Variants in SLC17A5 observed in about 807,000 individuals in gnomAD.
SLC17A5 encodes the protein sialin.
A neutral mutation model predicts 59.4 loss-of-function variants in SLC17A5; 47 were observed. The ratio of observed to expected loss-of-function variants is 0.79; its 90% confidence interval spans 0.63 to 1.01. The LOEUF (loss-of-function observed/expected upper bound fraction) is 1.01. SLC17A5 is among the 50% of genes least tolerant of loss of function. The pLI, the probability that SLC17A5 is intolerant of heterozygous loss-of-function variation, is 0.00. For missense variants in SLC17A5, 522 were observed against 595.5 expected (o/e 0.88, Z 1.28); for synonymous variants, 202 against 210.7 (o/e 0.96, Z 0.36).
intron 7 of SLC17A5, among the ~76,000 whole-genome samples, chr6:73,615,880 C>CTTTTTTTTTT (rs71674685): frequency 5.1e-5 from 5 of 97,598 alleles, no homozygotes; most frequent in East Asian, 3.2e-4. Flanking sequence ...ATGAATCATT[C>CTTTTTTTTTT]TTTTTTTTTT....
At chr6:73,604,209 A>G (rs1767293810) in intron 9 of SLC17A5, among the ~76,000 whole-genome samples, 1 of 151,814 alleles carries the variant, frequency 6.6e-6, no homozygotes, top group South Asian at 2.1e-4. Context: ...CAGCCTTTCC[A>G]GTGACAGATA....
In SLC17A5 at chr6:73,650,128, A is replaced by C. The variant is rs1162317273; in HGVS notation, c.94+3665T>G. On this transcript the variant is annotated intron_variant, in intron 1 of 10. Transcript: ENST00000355773. ...GTAATCCTAGCACTTTGGGAGGCTG[A>C]CGCAGGAGGATCACTTGAGCCCAGG... is the stretch of plus-strand genomic sequence containing the variant. Among the ~76,000 whole-genome samples, 3 of 151,316 alleles carry C rather than the reference A, an allele frequency of 2.0e-5. No individual in the cohort carries two copies. In the East Asian group the frequency reaches 5.8e-4, roughly 29 times the overall value.
intron 10 of SLC17A5, among the ~76,000 whole-genome samples, chr6:73,596,692 T>G (rs1383159684): frequency 3.3e-5 from 5 of 151,424 alleles, no homozygotes; most frequent in African/African-American, 1.2e-4. Flanking sequence ...CCGTCTTTAC[T>G]AAAAAAATAA....
chr6:73,627,362 A>G (rs1430239333), intron 6 of SLC17A5, among the ~76,000 whole-genome samples: 1 of 152,180 alleles, frequency 6.6e-6, no homozygotes, highest in African/African-American at 2.4e-5. Flanking sequence ...GGTGTGAGCG[A>G]CCGTGCCTGG....
intron 6 of SLC17A5, among the ~76,000 whole-genome samples, chr6:73,634,460 C>T (rs1581981570): frequency 6.6e-6 from 1 of 152,326 alleles, no homozygotes; most frequent in African/African-American, 2.4e-5. Context: ...AGTGCAGTGG[C>T]ACGATCTCAG....
intron 7 of SLC17A5, among the ~76,000 whole-genome samples, chr6:73,620,967 C>T (rs1338740189): frequency 6.6e-6 from 1 of 151,608 alleles, no homozygotes; most frequent in African/African-American, 2.4e-5. Context: ...CTCAAGCAGT[C>T]CTTCTGCCTC....
chr6:73,631,287 A>C (rs75023644), intron 6 of SLC17A5, among the ~76,000 whole-genome samples: 1 of 151,572 alleles, frequency 6.6e-6, no homozygotes, highest in African/African-American at 2.4e-5. Context: ...AAGAAAAAAA[A>C]CCACTCCACA....
intron 6 of SLC17A5, among the ~76,000 whole-genome samples, chr6:73,628,369 A>G (rs1179432235): frequency 6.6e-6 from 1 of 152,184 alleles, no homozygotes; most frequent in African/African-American, 2.4e-5. Context: ...CAGGAGTTCG[A>G]GACCAACTTG....
chr6:73,634,360 A>C (rs1007787632), intron 6 of SLC17A5, among the ~76,000 whole-genome samples: 2 of 152,150 alleles, frequency 1.3e-5, no homozygotes, highest in African/African-American at 4.8e-5. Flanking sequence ...TCTGGATTTT[A>C]GAATATTTGT....
rs766875158 is a variant in SLC17A5, at chr6:73,641,888, A to G, written c.328T>C (p.Trp110Arg). Residue 110 changes from tryptophan to arginine, a missense_variant, in exon 3 of 11, where the codon TGG becomes CGG. Coordinates refer to ENST00000355773, the MANE Select transcript of SLC17A5 (RefSeq NM_012434.5). ...CCATAAAAAAAGGAACCGAGAATCC[A>G]TCCTTGAGTTTCTGCATCCCATTGG... is the stretch of plus-strand genomic sequence containing the variant. The part of the protein sequence containing the change: ...KYQWDAETQG[W>R]ILGSFFYGYI... 2 of 1,614,232 alleles carry G rather than the reference A, an allele frequency of 1.2e-6. No individual in the cohort carries two copies. The highest frequency in any genetic ancestry group is 1.7e-6 in the Non-Finnish European group (2 of 1,180,028).
chr6:73,652,711 TAC>T (rs1306431423), intron 1 of SLC17A5, among the ~76,000 whole-genome samples: 2 of 152,212 alleles, frequency 1.3e-5, no homozygotes, highest in African/African-American at 4.8e-5. Flanking sequence ...GTATGGTATT[TAC>T]AGTTTGTGTT....
chr6:73,615,249 A>C, intron 8 of SLC17A5, 66 bp downstream of exon 8: 2 of 1,562,254 alleles, frequency 1.3e-6, no homozygotes, highest in Non-Finnish European at 1.8e-6. Flanking sequence ...TTGTTTTCCT[A>C]TCTCCTATAA....
chr6:73,645,927 T>C (rs1769539151), intron 1 of SLC17A5, among the ~76,000 whole-genome samples: 1 of 152,124 alleles, frequency 6.6e-6, no homozygotes, highest in South Asian at 2.1e-4. Context: ...CTTCTTTTAT[T>C]GAGTTGCAGA....
At chr6:73,616,926 G>C (rs905794565) in intron 7 of SLC17A5, among the ~76,000 whole-genome samples, 1 of 151,766 alleles carries the variant, frequency 6.6e-6, no homozygotes, top group Non-Finnish European at 1.5e-5. Flanking sequence ...CTTTCCTGAT[G>C]GTTTCTTTTC....
Position 73,608,834 on chromosome 6 carries a change from A to G in SLC17A5, c.1259+1566T>C, listed in dbSNP as rs539838505. 1.2e-3 allele frequency among the ~76,000 whole-genome samples: 183 copies of G among 152,294 alleles called. 3 individuals carry two copies. Among genetic ancestry groups the G allele is most frequent in the African/African-American group, 4.2e-3 (174 of 41,580 alleles). ...AGACTGAGACCACCCTGGGCAAGATAGGGAGACCCCATCTCTACAAAATAT... is the reference window on the plus strand; with the variant it reads ...AGACTGAGACCACCCTGGGCAAGATGGGGAGACCCCATCTCTACAAAATAT... On this transcript the variant is annotated intron_variant, in intron 9 of 10. Coordinates refer to ENST00000355773, the MANE Select transcript of SLC17A5 (RefSeq NM_012434.5).
At chr6:73,635,033 A>G (rs1175818734) in intron 6 of SLC17A5, among the ~76,000 whole-genome samples, 1 of 108,702 alleles carries the variant, frequency 9.2e-6, no homozygotes, top group Non-Finnish European at 1.7e-5. Flanking sequence ...TACTTTCTAT[A>G]AAAAATGAAA....
rs2150070339 is a variant in SLC17A5, at chr6:73,594,221, T to C, written c.*856A>G. The C allele has an allele frequency of 6.6e-6, 1 of 152,288 alleles. No individual in the cohort carries two copies. Among genetic ancestry groups the C allele is most frequent in the African/African-American group, 2.4e-5 (1 of 41,538 alleles). The allele number at this position is 152,288 out of a possible 1,614,324, so 9.4% of individuals were successfully genotyped here. Reference sequence around the variant, plus strand: ...TTTTAGTAGAGATGGGGTTTCACCATGCTGGCCAGGCTGGTCTCGAACTCC... The same window carrying C: ...TTTTAGTAGAGATGGGGTTTCACCACGCTGGCCAGGCTGGTCTCGAACTCC... On this transcript the variant is annotated 3_prime_UTR_variant, in exon 11 of 11. Transcript: ENST00000355773.
intron 10 of SLC17A5, among the ~76,000 whole-genome samples, chr6:73,597,241 G>A (rs560441640): frequency 6.6e-6 from 1 of 152,100 alleles, no homozygotes; most frequent in Non-Finnish European, 1.5e-5. Context: ...GCCATGGTGG[G>A]CGGATCACGA....
chr6:73,643,595 G>A (rs747089566), intron 2 of SLC17A5, among the ~76,000 whole-genome samples: 7 of 152,118 alleles, frequency 4.6e-5, no homozygotes, highest in Non-Finnish European at 7.3e-5. Flanking sequence ...TCCTGCCTCA[G>A]CCTCCTGAGT....
Sources: gnomAD v4.1 joint callset for allele counts (sites outside exome capture counted in the v4.1 genomes callset) on GRCh38, gnomAD v4.1.1 for gene constraint, MANE v1.5 for transcripts, NCBI Gene and HGNC (gene_info 2026-07-23, HGNC 2026-07-21) for gene names.